PHF20: variants seen among roughly 807,000 people sequenced by gnomAD.
PHF20 encodes the protein glioma-expressed antigen 2.
Under a neutral mutation model 113.5 loss-of-function variants are expected in PHF20, and 23 were observed. The observed-to-expected ratio is 0.20, with a 90% confidence interval of 0.15 to 0.29. The LOEUF (loss-of-function observed/expected upper bound fraction) is 0.29. Among genes scored for constraint, PHF20 ranks in the 10% least tolerant of loss-of-function variants. The pLI, the probability that PHF20 is intolerant of heterozygous loss-of-function variation, is 1.00. For synonymous variants in PHF20, 434 were observed against 457.3 expected (o/e 0.95, Z 0.65); for missense variants, 943 against 1,219.6 (o/e 0.77, Z 3.38).
chr20:35,901,370 G>A (rs1338387598), intron 10 of PHF20, among the ~76,000 whole-genome samples: 5 of 148,556 alleles, frequency 3.4e-5, no homozygotes, highest in East Asian at 4.0e-4. Context: ...AGCCAAGATC[G>A]TGACACTGCA....
chr20:35,935,282 AG>A (rs1458867797), intron 15 of PHF20, among the ~76,000 whole-genome samples: 1 of 151,976 alleles, frequency 6.6e-6, no homozygotes, highest in Non-Finnish European at 1.5e-5. Flanking sequence ...TTTTCATTTG[AG>A]GGTTCTGTCA....
chr20:35,937,069 C>T (rs2055878686), intron 15 of PHF20, among the ~76,000 whole-genome samples: 1 of 152,060 alleles, frequency 6.6e-6, no homozygotes, highest in African/African-American at 2.4e-5. Context: ...GGCAGACCAA[C>T]TTGAGGGGTG....
At position 35,927,854 on chromosome 20, in the gene PHF20, C is replaced by G; in HGVS notation, c.2079C>G (p.Thr693=). The G allele has an allele frequency of 6.2e-7, 1 of 1,613,572 alleles. No homozygotes were observed. The highest frequency in any genetic ancestry group is 1.1e-5 in the South Asian group (1 of 91,066). Residue 693 remains threonine (T), a synonymous_variant, in exon 14 of 18, where the codon ACC becomes ACG. Coordinates refer to ENST00000374012, the MANE Select transcript of PHF20 (RefSeq NM_016436.5). ...LLEENVPEKY[T]CYVCQDPPGQ... ...AAGAAAATGTGCCCGAGAAATACAC[C>G]TGTTATGTTTGCCAAGACCCTCCAG...
chr20:35,895,055 G>T (rs972470672), intron 9 of PHF20, among the ~76,000 whole-genome samples: 1 of 151,576 alleles, frequency 6.6e-6, no homozygotes, highest in South Asian at 2.1e-4. Context: ...ACAAAGTCTC[G>T]CTCTGTCGCC....
chr20:35,943,927 A>G (rs1446862406), intron 17 of PHF20, among the ~76,000 whole-genome samples: 1 of 150,374 alleles, frequency 6.7e-6, no homozygotes, highest in Non-Finnish European at 1.5e-5. Context: ...CCTGAACAGT[A>G]CTTTAAAACT....
At chr20:35,873,526 T>C (rs2054464715) in intron 9 of PHF20, among the ~76,000 whole-genome samples, 1 of 147,574 alleles carries the variant, frequency 6.8e-6, no homozygotes. Context: ...TGGAGTGCAG[T>C]GGTGCGATTT....
chr20:35,811,507 ATC>A (rs1221403885), intron 2 of PHF20, among the ~76,000 whole-genome samples: 1 of 151,640 alleles, frequency 6.6e-6, no homozygotes, highest in Non-Finnish European at 1.5e-5. Flanking sequence ...CAATGGCACA[ATC>A]TCGGCTCACT....
rs910835847 is a variant in PHF20, at chr20:35,950,332, A to T, written c.*2705A>T. 3 of 152,672 alleles carry T rather than the reference A, an allele frequency of 2.0e-5. No individual in the cohort carries two copies. The South Asian group carries it at 6.2e-4, about 32-fold the overall frequency. The allele number at this position is 152,672 out of a possible 1,614,324, so 9.5% of individuals were successfully genotyped here. A position where few individuals can be genotyped will look rare whatever the true frequency, so the allele number is the denominator to read the frequency against. On this transcript the variant is annotated 3_prime_UTR_variant, in exon 18 of 18. Coordinates refer to ENST00000374012, the MANE Select transcript of PHF20 (RefSeq NM_016436.5). ...ATTTGCAAAACACGCAGACTTCTGT[A>T]TCTGTATTTGGAAAAAATAAAACAG...
chr20:35,774,126 A>C (rs2041124164), intron 1 of PHF20, among the ~76,000 whole-genome samples: 1 of 148,852 alleles, frequency 6.7e-6, no homozygotes, highest in Non-Finnish European at 1.5e-5. Context: ...TCTGTCGCCC[A>C]GGCTGGAGTG....
At chr20:35,786,849 T>C (rs2041428382) in intron 1 of PHF20, among the ~76,000 whole-genome samples, 1 of 152,206 alleles carries the variant, frequency 6.6e-6, no homozygotes, top group African/African-American at 2.4e-5. Context: ...TCATTCCGCA[T>C]GCTTTGCCTT....
intron 2 of PHF20, among the ~76,000 whole-genome samples, chr20:35,829,446 G>A (rs990278158): frequency 1.3e-5 from 2 of 151,794 alleles, no homozygotes; most frequent in African/African-American, 2.4e-5. Flanking sequence ...TCTGCCTCCC[G>A]GTGATTCTCA....
At chr20:35,852,865 G>T (rs1466454572) in intron 4 of PHF20, among the ~76,000 whole-genome samples, 3 of 150,390 alleles carry the variant, frequency 2.0e-5, no homozygotes, top group African/African-American at 7.3e-5. Flanking sequence ...CCAAAGTATT[G>T]GAATTACAGG....
At chr20:35,913,903 C>T (rs2055353181) in intron 11 of PHF20, 130 bp from the exon 12 acceptor site, 2 of 825,472 alleles carry the variant, frequency 2.4e-6, no homozygotes, top group South Asian at 3.4e-5. Context: ...CTCCACACCT[C>T]TTTTTGGTTG....
chr20:35,795,178 G>T (rs1298984152), intron 1 of PHF20, among the ~76,000 whole-genome samples: 1 of 148,554 alleles, frequency 6.7e-6, no homozygotes, highest in East Asian at 2.0e-4. Flanking sequence ...GGGACAGAGC[G>T]AGACTCTGTC....
chr20:35,802,160 C>G (rs1211879868), intron 2 of PHF20, among the ~76,000 whole-genome samples: 2 of 151,980 alleles, frequency 1.3e-5, no homozygotes, highest in African/African-American at 4.8e-5. Context: ...ATTGGCTTAT[C>G]TATAAATGTG....
At position 35,805,241 on chromosome 20, in the gene PHF20, C is replaced by T. The variant is rs544005723; in HGVS notation, c.83+3636C>T. Among the ~76,000 whole-genome samples, 732 of 151,888 alleles carry T rather than the reference C, an allele frequency of 4.8e-3. 8 individuals carry two copies. Among genetic ancestry groups the T allele is most frequent in the Middle Eastern group, 0.024 (7 of 294 alleles). On this transcript the variant is annotated intron_variant, in intron 2 of 17. Transcript: ENST00000374012. ...CCAGACAAGGTCTCATTCTGTTGCT[C>T]AGGTTGGAGTGCAGTGGTGGGAACA...
intron 10 of PHF20, among the ~76,000 whole-genome samples, chr20:35,911,438 GT>G (rs2055301658): frequency 6.6e-6 from 1 of 152,198 alleles, no homozygotes; most frequent in Non-Finnish European, 1.5e-5. Context: ...GCAGTTTTCA[GT>G]TTGGGGCGAT....
chr20:35,801,666 T>C, intron 2 of PHF20, 61 bp downstream of exon 2: 1 of 1,069,362 alleles, frequency 9.4e-7, no homozygotes, highest in East Asian at 2.4e-5. Context: ...CCAGCACTGA[T>C]AGAGTGGTAG....
chr20:35,927,669 C>G, intron 13 of PHF20, 111 bp from the exon 14 acceptor site: 2 of 805,900 alleles, frequency 2.5e-6, no homozygotes, highest in African/African-American at 1.7e-5. Flanking sequence ...AGTGCTCCTT[C>G]CTCCCCTCTC....
Sources: allele counts gnomAD v4.1 joint callset (sites outside exome capture counted in the v4.1 genomes callset), GRCh38; gene constraint gnomAD v4.1.1; transcripts MANE v1.5; gene names NCBI Gene and HGNC (gene_info 2026-07-23, HGNC 2026-07-21).